Variants in FAM171A1 observed in about 807,000 individuals in gnomAD.
The protein encoded by FAM171A1 is protein FAM171A1.
FAM171A1 carries 23 observed loss-of-function variants against 74.9 expected under a neutral mutation model. That is an observed-to-expected ratio of 0.31 (90% CI 0.22 to 0.44). The LOEUF (loss-of-function observed/expected upper bound fraction) is 0.44, where lower values mean the gene tolerates loss of function less well. Ranked by LOEUF, FAM171A1 falls within the 20% of genes least tolerant of loss-of-function variation. FAM171A1 has a pLI of 1.00. For synonymous variants in FAM171A1, 527 were observed against 505.7 expected (o/e 1.04, Z -0.57); for missense variants, 1,162 against 1,159.2 (o/e 1.00, Z -0.03).
At chr10:15,268,621 G>A (rs1287092561) in intron 3 of FAM171A1, among the ~76,000 whole-genome samples, 2 of 152,088 alleles carry the variant, frequency 1.3e-5, no homozygotes, top group African/African-American at 4.8e-5. Flanking sequence ...GTCTGGGCTG[G>A]AGAGACGGAA....
intron 7 of FAM171A1, among the ~76,000 whole-genome samples, chr10:15,214,868 C>T (rs1308546774): frequency 6.6e-6 from 1 of 151,836 alleles, no homozygotes; most frequent in African/African-American, 2.4e-5. Flanking sequence ...TCAAGTGATC[C>T]TCCCACCTCA....
At chr10:15,310,290 C>A (rs914994059) in intron 1 of FAM171A1, among the ~76,000 whole-genome samples, 1 of 152,112 alleles carries the variant, frequency 6.6e-6, no homozygotes, top group Non-Finnish European at 1.5e-5. Context: ...TAAATCATCA[C>A]ACGGTTTCTC....
intron 1 of FAM171A1, among the ~76,000 whole-genome samples, chr10:15,319,578 A>T (rs1835462532): frequency 6.6e-6 from 1 of 152,182 alleles, no homozygotes; most frequent in Admixed American, 6.5e-5. Flanking sequence ...AATTATAGGC[A>T]TGCACAACCA....
Position 15,213,785 on chromosome 10 carries a change from G to C in FAM171A1, c.1803C>G (p.Leu601=), listed in dbSNP as rs772843215. Residue 601 remains leucine (L), a synonymous_variant, in exon 8 of 8, where the codon CTC becomes CTG. Transcript: ENST00000378116. The surrounding 1 kb of genome is among the most constrained non-coding windows in gnomAD (Gnocchi z 6.8). ...CAAGCTGCTGATCAGCCGGGACGACGAGGGGCTGGCTGACATAGGAGTGGT... is the reference window on the plus strand; with the variant it reads ...CAAGCTGCTGATCAGCCGGGACGACCAGGGGCTGGCTGACATAGGAGTGGT... ...PGDHSYVSQP[L]VVPADQQLEI... is the part of the protein sequence containing the mutation. The C allele has an allele frequency of 1.2e-6, 2 of 1,614,158 alleles. No homozygotes were observed. Among genetic ancestry groups the C allele is most frequent in the African/African-American group, 1.3e-5 (1 of 75,044 alleles).
At chr10:15,330,214 C>T (rs772429466) in intron 1 of FAM171A1, among the ~76,000 whole-genome samples, 29 of 152,010 alleles carry the variant, frequency 1.9e-4, no homozygotes, top group African/African-American at 5.8e-4. Context: ...TGGTGGTGCA[C>T]GCCTGTAATC....
intron 3 of FAM171A1, among the ~76,000 whole-genome samples, chr10:15,262,032 T>G (rs1834664118): frequency 6.6e-6 from 1 of 152,176 alleles, no homozygotes; most frequent in Non-Finnish European, 1.5e-5. Flanking sequence ...AGAGAATCAT[T>G]TGAGCCTGGG....
chr10:15,259,828 T>G (rs954058117), intron 3 of FAM171A1, among the ~76,000 whole-genome samples: 1 of 144,914 alleles, frequency 6.9e-6, no homozygotes, highest in African/African-American at 2.5e-5. Flanking sequence ...GTTTCTTTCC[T>G]TTTTTTTTTT....
At chr10:15,229,348 G>A (rs1027174329) in intron 5 of FAM171A1, among the ~76,000 whole-genome samples, 3 of 152,016 alleles carry the variant, frequency 2.0e-5, no homozygotes, top group African/African-American at 7.3e-5. Flanking sequence ...GCACTAGCTC[G>A]TTTGAGGAAT....
At chr10:15,265,522 G>C (rs1834727929) in intron 3 of FAM171A1, among the ~76,000 whole-genome samples, 1 of 140,786 alleles carries the variant, frequency 7.1e-6, no homozygotes, top group Non-Finnish European at 1.5e-5. Flanking sequence ...GGCTGAGATG[G>C]GAAAATCACC....
intron 1 of FAM171A1, among the ~76,000 whole-genome samples, chr10:15,335,748 GCAAACAGTGTGTA>G (rs1049920459): frequency 6.6e-5 from 10 of 152,294 alleles, no homozygotes; most frequent in Admixed American, 3.9e-4. Context: ...TTCAGCAGAG[GCAAACAGTGTGTA>G]CAATCACACT....
intron 2 of FAM171A1, among the ~76,000 whole-genome samples, chr10:15,278,646 G>A (rs1052194457): frequency 1.8e-4 from 28 of 152,182 alleles, no homozygotes; most frequent in African/African-American, 6.3e-4. Context: ...AAAGACGCCA[G>A]ACACAAAAAG....
chr10:15,284,692 G>A (rs1229332461), intron 1 of FAM171A1, among the ~76,000 whole-genome samples: 1 of 152,166 alleles, frequency 6.6e-6, no homozygotes, highest in African/African-American at 2.4e-5. Context: ...TGAGGTTACA[G>A]GTGTGCCCCA....
At chr10:15,331,843 G>GTC (rs1175618086) in intron 1 of FAM171A1, among the ~76,000 whole-genome samples, 1 of 68,398 alleles carries the variant, frequency 1.5e-5, no homozygotes, top group African/African-American at 4.8e-5. Context: ...ATATATATGT[G>GTC]TGTATATATA....
intron 1 of FAM171A1, among the ~76,000 whole-genome samples, chr10:15,311,197 CT>C (rs772968524): frequency 2.3e-4 from 35 of 152,242 alleles, no homozygotes; most frequent in Non-Finnish European, 4.4e-4. Context: ...TTATTTTACA[CT>C]CAGGGTCTAA....
Position 15,327,734 on chromosome 10 carries a change from C to G in FAM171A1, c.97+43222G>C, listed in dbSNP as rs181401855. On this transcript the variant is annotated intron_variant, in intron 1 of 7. Coordinates refer to ENST00000378116, the MANE Select transcript of FAM171A1 (RefSeq NM_001010924.2). ...AAGCTAAACATTGAGAACACATGGACATAAAGAAGGAAATAACAGACACAT... is the reference window on the plus strand; with the variant it reads ...AAGCTAAACATTGAGAACACATGGAGATAAAGAAGGAAATAACAGACACAT... Among the ~76,000 whole-genome samples, 400 of 152,128 alleles carry G rather than the reference C, an allele frequency of 2.6e-3. 1 individual carries two copies. The highest frequency in any genetic ancestry group is 8.6e-3 in the African/African-American group (355 of 41,514).
intron 1 of FAM171A1, among the ~76,000 whole-genome samples, chr10:15,340,663 T>G (rs528551196): frequency 6.6e-5 from 10 of 152,134 alleles, no homozygotes; most frequent in African/African-American, 2.2e-4. Flanking sequence ...CCTCCTGGAG[T>G]TGTGCATACT....
At chr10:15,257,644 A>C (rs1385987578) in intron 3 of FAM171A1, among the ~76,000 whole-genome samples, 1 of 152,002 alleles carries the variant, frequency 6.6e-6, no homozygotes, top group Non-Finnish European at 1.5e-5. Flanking sequence ...CATGGAAAGG[A>C]TATGGCCGGT....
chr10:15,292,196 T>C (rs1017677682), intron 1 of FAM171A1, among the ~76,000 whole-genome samples: 5 of 152,048 alleles, frequency 3.3e-5, no homozygotes, highest in Admixed American at 2.0e-4. Flanking sequence ...CATGACCTGA[T>C]GTCCTCCCAA....
At chr10:15,253,092 C>T (rs538677251) in intron 4 of FAM171A1, among the ~76,000 whole-genome samples, 5 of 152,310 alleles carry the variant, frequency 3.3e-5, no homozygotes, top group African/African-American at 1.2e-4. Context: ...CAACCTCCAC[C>T]TTCTGGGTTC....
Sources: gnomAD v4.1 joint callset for allele counts (sites outside exome capture counted in the v4.1 genomes callset) on GRCh38, gnomAD v4.1.1 for gene constraint, Gnocchi (gnomAD v3.1) non-coding constraint, MANE v1.5 for transcripts, NCBI Gene and HGNC (gene_info 2026-07-23, HGNC 2026-07-21) for gene names.